The following PDE1C variants were observed in gnomAD, a reference collection of about 807,000 sequenced individuals.
The protein encoded by PDE1C is phosphodiesterase 1C.
In PDE1C, 62 loss-of-function variants were observed where a neutral mutation model predicts 93.1. That is an observed-to-expected ratio of 0.67 (90% CI 0.54 to 0.82). The LOEUF is 0.82. Among genes scored for constraint, PDE1C ranks in the 40% least tolerant of loss-of-function variants. The probability of loss-of-function intolerance (pLI) is 0.00; values close to 1 mark genes in which losing one functional copy is unlikely to be tolerated. For missense variants in PDE1C, 742 were observed against 884.6 expected (o/e 0.84, Z 2.04); for synonymous variants, 325 against 310.1 (o/e 1.05, Z -0.50).
intron 1 of PDE1C, among the ~76,000 whole-genome samples, chr7:32,318,674 T>C (rs1053757757): frequency 1.3e-5 from 2 of 152,110 alleles, no homozygotes; most frequent in African/African-American, 4.8e-5. Flanking sequence ...AGCGGTGACA[T>C]GGGTGAAGGG....
At chr7:32,116,451 C>G (rs888741972) in intron 3 of PDE1C, among the ~76,000 whole-genome samples, 1 of 152,048 alleles carries the variant, frequency 6.6e-6, no homozygotes, top group African/African-American at 2.4e-5. Context: ...ATCATAATAA[C>G]CAAGAAGCAG....
At chr7:31,970,925 C>T (rs1810865548) in intron 2 of PDE1C, among the ~76,000 whole-genome samples, 1 of 152,034 alleles carries the variant, frequency 6.6e-6, no homozygotes, top group African/African-American at 2.4e-5. Context: ...GGAGGATCAC[C>T]TGAAGTCAGG....
chr7:31,818,815 A>G lies in PDE1C; in HGVS notation c.1583-2661T>C, dbSNP rs553720897. Among the ~76,000 whole-genome samples the G allele has an allele frequency of 5.8e-4, 88 of 152,302 alleles. 4 individuals are homozygous for G. Among genetic ancestry groups the G allele is most frequent in the African/African-American group, 2.1e-3 (87 of 41,578 alleles). On this transcript the variant is annotated intron_variant, in intron 14 of 17. Coordinates refer to ENST00000396191, the MANE Select transcript of PDE1C (RefSeq NM_001191057.4). ...CCACTGAATCCATGGCAAATTTTCA[A>G]TATTCAAAATAACCCCAAGTTGGAA...
At chr7:32,073,228 A>AT (rs1465788888), upstream of PDE1C, among the ~76,000 whole-genome samples, 8 of 152,074 alleles carry the variant, frequency 5.3e-5, no homozygotes, top group East Asian at 7.7e-4. Flanking sequence ...GAGCAAAAAC[A>AT]TTTTTTTTAA....
At chr7:32,113,908 G>C (rs1798827897) in intron 3 of PDE1C, among the ~76,000 whole-genome samples, 1 of 151,978 alleles carries the variant, frequency 6.6e-6, no homozygotes, top group African/African-American at 2.4e-5. Flanking sequence ...AAACACCTAG[G>C]AACACAGCTA....
chr7:32,284,004 G>T lies in PDE1C; in HGVS notation c.85+14647C>A, dbSNP rs535158255. ...GGACCAGGGCGGGAAGAAGCATCCC[G>T]AGGACATTTATTAACACCAACAAAG... On this transcript the variant is annotated intron_variant, in intron 1 of 18. Coordinates refer to the PDE1C transcript ENST00000396193. Among the ~76,000 whole-genome samples, 4 of 152,272 alleles carry T rather than the reference G, an allele frequency of 2.6e-5. No individual in the cohort carries two copies. In the East Asian group the frequency reaches 7.7e-4, roughly 29 times the overall value.
At chr7:31,865,624 C>A (rs1342108003) in intron 6 of PDE1C, among the ~76,000 whole-genome samples, 1 of 152,164 alleles carries the variant, frequency 6.6e-6, no homozygotes, top group Non-Finnish European at 1.5e-5. Context: ...TGAAATCTTC[C>A]AAATTCCAAG....
intron 3 of PDE1C, among the ~76,000 whole-genome samples, chr7:32,130,503 A>G (rs1799855283): frequency 6.6e-6 from 1 of 152,074 alleles, no homozygotes; most frequent in African/African-American, 2.4e-5. Flanking sequence ...CTCAGGTACT[A>G]CTGTCCTAGT....
chr7:32,262,005 ATTTTTTTTT>A (rs11325736), intron 1 of PDE1C, among the ~76,000 whole-genome samples: 7 of 89,748 alleles, frequency 7.8e-5, no homozygotes, highest in African/African-American at 2.9e-4. Flanking sequence ...TTGCTTTGGG[ATTTTTTTTT>A]TTTTTTTTTT....
chr7:31,944,940 C>T (rs1012755990), intron 2 of PDE1C, among the ~76,000 whole-genome samples: 7 of 152,084 alleles, frequency 4.6e-5, no homozygotes, highest in African/African-American at 1.7e-4. Context: ...AAAGAAAATA[C>T]AGAGTTCTTT....
the PDE1C span, among the ~76,000 whole-genome samples, chr7:31,710,679 T>G: frequency 0.43 from 65,074 of 152,024 alleles, 15,254 homozygotes; most frequent in East Asian, 0.7. Context: ...CTGTCATCCT[T>G]TGTAAATGAG....
At chr7:32,234,919 G>T (rs2128864986) in intron 1 of PDE1C, among the ~76,000 whole-genome samples, 1 of 152,080 alleles carries the variant, frequency 6.6e-6, no homozygotes, top group East Asian at 1.9e-4. Flanking sequence ...AACAGGTAGG[G>T]TTTATGCTTG....
chr7:31,767,308 G>A (rs982553532), intron 17 of PDE1C, among the ~76,000 whole-genome samples: 2 of 152,176 alleles, frequency 1.3e-5, no homozygotes, highest in South Asian at 2.1e-4. Context: ...AAACTCCAAT[G>A]TTGGAGGTAG....
chr7:31,846,886 T>A (rs1792695333), intron 9 of PDE1C, among the ~76,000 whole-genome samples: 1 of 152,172 alleles, frequency 6.6e-6, no homozygotes, highest in African/African-American at 2.4e-5. Context: ...TATGTTTTAA[T>A]AAACTAAAGC....
At chr7:32,403,034 C>T (rs1024472391) in intron 1 of PDE1C, among the ~76,000 whole-genome samples, 2 of 152,060 alleles carry the variant, frequency 1.3e-5, no homozygotes, top group East Asian at 1.9e-4. Flanking sequence ...TGCGCCCACC[C>T]GAAATAGAGG....
At chr7:32,009,407 C>T (rs1786759145) in intron 2 of PDE1C, among the ~76,000 whole-genome samples, 1 of 152,160 alleles carries the variant, frequency 6.6e-6, no homozygotes, top group South Asian at 2.1e-4. Context: ...TGCAAAGAAT[C>T]CCACTTGAGT....
intron 2 of PDE1C, among the ~76,000 whole-genome samples, chr7:31,967,629 A>G (rs534970942): frequency 2.3e-4 from 35 of 152,194 alleles, no homozygotes; most frequent in Non-Finnish European, 4.7e-4. Context: ...CATCATCCTG[A>G]TACCAAAGCC....
At chr7:32,020,464 G>C (rs1788500116) in intron 2 of PDE1C, among the ~76,000 whole-genome samples, 1 of 151,764 alleles carries the variant, frequency 6.6e-6, no homozygotes, top group Non-Finnish European at 1.5e-5. Context: ...GAAATAATAA[G>C]CACACAAAGC....
Position 31,837,956 on chromosome 7 carries a change from C to A in PDE1C, c.996G>T (p.Leu332Phe). The A allele has an allele frequency of 6.2e-7, 1 of 1,612,318 alleles. No homozygotes were observed. Among genetic ancestry groups the A allele is most frequent in the African/African-American group, 1.3e-5 (1 of 74,988 alleles). The change falls in exon 10 of 18, where the codon TTG becomes TTT. Residue 332 changes from leucine to phenylalanine, a missense_variant. Physicochemically the swap from Leu to Phe is conservative, Grantham distance 22 (BLOSUM62 0). Around this residue, in one of 4 missense-constraint regions of PDE1C, gnomAD observed 205 missense variants for 295.3 expected, o/e 0.69. Transcript: ENST00000396191. ...CTGTGGCCATCACCATTTCAATTAC[C>A]AAGGTTCGAAACTCCCTTTTAGAGA... Reference protein sequence around the residue: ...SKDDWREFRTLVIEMVMATDM... With the variant: ...SKDDWREFRTFVIEMVMATDM...
Sources: allele counts gnomAD v4.1 joint callset (sites outside exome capture counted in the v4.1 genomes callset), GRCh38; gene constraint gnomAD v4.1.1; regional missense constraint gnomAD v4.1.1; transcripts MANE v1.5; gene names NCBI Gene and HGNC (gene_info 2026-07-23, HGNC 2026-07-21).